KAZN: variants seen among roughly 807,000 people sequenced by gnomAD.
The protein encoded by KAZN is kazrin, periplakin interacting protein.
KAZN carries 40 observed loss-of-function variants against 87.4 expected under a neutral mutation model. That is an observed-to-expected ratio of 0.46 (90% CI 0.36 to 0.60). The LOEUF (loss-of-function observed/expected upper bound fraction) is 0.60, where lower values mean the gene tolerates loss of function less well. Among genes scored for constraint, KAZN ranks in the 20% least tolerant of loss-of-function variants. The pLI is 0.00. For synonymous variants in KAZN, 466 were observed against 458.3 expected, an observed-to-expected ratio of 1.02 and a Z score of -0.22; for missense variants, 898 against 1,073.9, an observed-to-expected ratio of 0.84 and a Z score of 2.29.
At chr1:14,307,247 T>A (rs1654994393) in intron 2 of KAZN, among the ~76,000 whole-genome samples, 1 of 152,198 alleles carries the variant, frequency 6.6e-6, no homozygotes, top group Non-Finnish European at 1.5e-5. Flanking sequence ...CCACTCTGCC[T>A]TGGGCATGAC....
chr1:15,110,535 G>A (rs78823184), intron 13 of KAZN, among the ~76,000 whole-genome samples: 1 of 103,644 alleles, frequency 9.6e-6, no homozygotes, highest in East Asian at 2.8e-4. Flanking sequence ...GTGTTTGTGT[G>A]TGTGCATATG....
intron 2 of KAZN, among the ~76,000 whole-genome samples, chr1:14,340,868 C>T (rs367824928): frequency 3.4e-5 from 5 of 145,658 alleles, no homozygotes; most frequent in East Asian, 2.0e-4. Flanking sequence ...CTTATATCTC[C>T]GTAAGGGTCA....
intron 2 of KAZN, among the ~76,000 whole-genome samples, chr1:14,998,786 G>A (rs928447038): frequency 6.6e-6 from 1 of 152,144 alleles, no homozygotes; most frequent in Non-Finnish European, 1.5e-5. Flanking sequence ...TGACCTCAGG[G>A]TGACCTGCCC....
At chr1:14,648,271 C>T (rs1680957838) in intron 1 of KAZN, among the ~76,000 whole-genome samples, 1 of 152,206 alleles carries the variant, frequency 6.6e-6, no homozygotes, top group Non-Finnish European at 1.5e-5. Flanking sequence ...GGAATAGAGA[C>T]TGTTTATCCC....
intron 2 of KAZN, among the ~76,000 whole-genome samples, chr1:14,590,744 T>C (rs72863643): frequency 0.019 from 2,877 of 152,282 alleles, 90 homozygotes; most frequent in African/African-American, 0.065. Flanking sequence ...AATTTCTTTC[T>C]AGGCACCAGA....
intron 2 of KAZN, among the ~76,000 whole-genome samples, chr1:14,436,478 G>A (rs34221514): frequency 0.066 from 10,081 of 151,972 alleles, 384 homozygotes; most frequent in Middle Eastern, 0.1. Flanking sequence ...AGTACTTTGA[G>A]AGGCCGAGGC....
intron 1 of KAZN, among the ~76,000 whole-genome samples, chr1:13,912,052 T>C (rs1013715814): frequency 2.0e-5 from 3 of 152,186 alleles, no homozygotes; most frequent in Non-Finnish European, 4.4e-5. Context: ...GCCTCTAATG[T>C]AGGCACTATG....
chr1:14,222,391 C>G (rs181017674), intron 2 of KAZN, among the ~76,000 whole-genome samples: 2 of 152,296 alleles, frequency 1.3e-5, no homozygotes, highest in East Asian at 3.9e-4. Context: ...GACACTTAAC[C>G]ATTTAAATGC....
chr1:14,282,830 T>C (rs897399542), intron 2 of KAZN, among the ~76,000 whole-genome samples: 2 of 152,142 alleles, frequency 1.3e-5, no homozygotes, highest in Non-Finnish European at 2.9e-5. Context: ...CCGAGCGCCC[T>C]TTAGGGAAGA....
chr1:14,584,738 G>T (rs779560388), intron 2 of KAZN, among the ~76,000 whole-genome samples: 1 of 151,860 alleles, frequency 6.6e-6, no homozygotes, highest in Admixed American at 6.6e-5. Context: ...TCTGCCTCCT[G>T]GGTTCAAGCG....
At chr1:14,721,533 C>G (rs1040393802) in intron 1 of KAZN, among the ~76,000 whole-genome samples, 4 of 152,166 alleles carry the variant, frequency 2.6e-5, no homozygotes, top group African/African-American at 9.7e-5. Flanking sequence ...CAGACAAGAA[C>G]CTTGAAGGCA....
intron 2 of KAZN, among the ~76,000 whole-genome samples, chr1:14,266,561 G>T (rs904660934): frequency 6.6e-6 from 1 of 152,136 alleles, no homozygotes. Flanking sequence ...TGAGTTTTAC[G>T]CACACTTAAG....
chr1:14,596,630 C>G (rs946451508), upstream of KAZN, among the ~76,000 whole-genome samples: 1 of 152,238 alleles, frequency 6.6e-6, no homozygotes, highest in Non-Finnish European at 1.5e-5. Flanking sequence ...CAGCCCCTGA[C>G]AAACACCAAT....
chr1:13,895,707 T>C (rs1281293003), intron 1 of KAZN, among the ~76,000 whole-genome samples: 1 of 152,108 alleles, frequency 6.6e-6, no homozygotes, highest in Non-Finnish European at 1.5e-5. Context: ...TCGCAGACTC[T>C]AGGGGTTTAC....
intron 2 of KAZN, among the ~76,000 whole-genome samples, chr1:14,456,585 A>G (rs547204216): frequency 8.3e-4 from 126 of 152,308 alleles, no homozygotes; most frequent in African/African-American, 3.0e-3. Context: ...ATCCATCCAC[A>G]TTGCTATGCG....
rs959066329 is a variant in KAZN, at chr1:14,960,843, A to G, written c.386A>G (p.Gln129Arg). ...ELRVQLAQKE[Q>R]ELARAKEALQ... ...AGGGTCCAGCTGGCCCAGAAGGAGC[A>G]GGAGCTAGCCAGAGCCAAAGAAGCC... Residue 129 changes from glutamine to arginine, a missense_variant, in exon 2 of 15, where the codon CAG becomes CGG. Gln to Arg is a conservative substitution (Grantham distance 43). Coordinates refer to ENST00000376030, the MANE Select transcript of KAZN (RefSeq NM_201628.3). The G allele has an allele frequency of 1.2e-6, 2 of 1,612,292 alleles. No homozygotes were observed. Among genetic ancestry groups the G allele is most frequent in the Non-Finnish European group, 1.7e-6 (2 of 1,179,470 alleles).
intron 1 of KAZN, among the ~76,000 whole-genome samples, chr1:13,959,185 G>T (rs572182764): frequency 2.6e-5 from 4 of 152,168 alleles, no homozygotes; most frequent in Non-Finnish European, 5.9e-5. Flanking sequence ...GCTAGCTAGC[G>T]CTTTCTACCA....
intron 2 of KAZN, among the ~76,000 whole-genome samples, chr1:14,293,364 A>C (rs1653860933): frequency 6.6e-6 from 1 of 152,126 alleles, no homozygotes; most frequent in South Asian, 2.1e-4. Flanking sequence ...CGAACAGCTA[A>C]ATCTTTAGTT....
chr1:14,700,419 C>T (rs765815614), intron 1 of KAZN, among the ~76,000 whole-genome samples: 2 of 151,280 alleles, frequency 1.3e-5, no homozygotes, highest in African/African-American at 4.9e-5. Context: ...TGCAGTGAGC[C>T]GAGATCACGC....
Sources: allele counts gnomAD v4.1 joint callset (sites outside exome capture counted in the v4.1 genomes callset), GRCh38; gene constraint gnomAD v4.1.1; transcripts MANE v1.5; gene names NCBI Gene and HGNC (gene_info 2026-07-23, HGNC 2026-07-21).